The following TEX9 variants were observed in gnomAD, a reference collection of about 807,000 sequenced individuals.
TEX9 encodes the protein testis-expressed protein 9.
TEX9 carries 74 observed loss-of-function variants against 59.6 expected under a neutral mutation model. The observed-to-expected ratio is 1.24, with a 90% confidence interval of 1.03 to 1.51. The LOEUF is 1.51. Among genes scored for constraint, TEX9 ranks in the 40% most tolerant of loss-of-function variants. The pLI is 0.00. For synonymous variants in TEX9, 186 were observed against 152.2 expected (o/e 1.22, Z -1.64); for missense variants, 522 against 447.8 (o/e 1.17, Z -1.49).
At chr15:56,411,917 A>T (rs1235960513) in intron 9 of TEX9, among the ~76,000 whole-genome samples, 1 of 152,226 alleles carries the variant, frequency 6.6e-6, no homozygotes, top group Non-Finnish European at 1.5e-5. Flanking sequence ...ACAGAAAAAC[A>T]GTGGAGAGTT....
chr15:56,332,093 C>T (rs1456046770), intron 1 of TEX9, among the ~76,000 whole-genome samples: 2 of 129,022 alleles, frequency 1.6e-5, no homozygotes, highest in African/African-American at 2.9e-5. Context: ...CTGGAAATAC[C>T]ATTTGACCCA....
At chr15:56,372,940 A>G (rs903903163) in intron 2 of TEX9, among the ~76,000 whole-genome samples, 7 of 152,186 alleles carry the variant, frequency 4.6e-5, no homozygotes, top group Admixed American at 1.3e-4. Context: ...TAAAGTATGT[A>G]TCTGAGGTGT....
At position 56,365,480 on chromosome 15, in the gene TEX9, C is replaced by T. The variant is rs540943313; in HGVS notation, c.27+3C>T. ...CGGGGCGAAGTCTGTGTCTCACGGTCAGTTCAACTCCAGGCTCCTGGGGAG... is the reference window on the plus strand; with the variant it reads ...CGGGGCGAAGTCTGTGTCTCACGGTTAGTTCAACTCCAGGCTCCTGGGGAG... On this transcript the variant is annotated splice_donor_region_variant and intron_variant, in intron 1 of 12. Coordinates refer to ENST00000352903, the Ensembl canonical transcript of TEX9. 13 of 1,614,120 alleles carry T rather than the reference C, an allele frequency of 8.1e-6. No individual in the cohort carries two copies. Among genetic ancestry groups the T allele is most frequent in the South Asian group, 2.2e-5 (2 of 91,062 alleles).
chr15:56,451,351 G>A, the TEX9 span, among the ~76,000 whole-genome samples: 8 of 152,182 alleles, frequency 5.3e-5, no homozygotes, highest in Admixed American at 2.0e-4. Context: ...ATGAGGAAAG[G>A]GCAAGTGAAG....
chr15:56,406,638 T>C (rs1289895043), intron 9 of TEX9, among the ~76,000 whole-genome samples: 3 of 152,168 alleles, frequency 2.0e-5, no homozygotes, highest in Admixed American at 2.0e-4. Flanking sequence ...ATTTTAGCCA[T>C]TCTAGAGGAG....
At chr15:56,300,690 A>AGAGAGAGGGAGGGAGG (rs1268367074) in intron 1 of TEX9, among the ~76,000 whole-genome samples, 1 of 54,198 alleles carries the variant, frequency 1.8e-5, no homozygotes, top group African/African-American at 6.3e-5. Flanking sequence ...CTCAGCAGAG[A>AGAGAGAGGGAGGGAGG]GAGAGAGAGA....
chr15:56,366,684 A>G (rs558522340), intron 2 of TEX9, among the ~76,000 whole-genome samples: 1 of 151,952 alleles, frequency 6.6e-6, no homozygotes, highest in East Asian at 1.9e-4. Flanking sequence ...CCTTTTAACA[A>G]CTCCCTTCCG....
chr15:56,364,437 G>A (rs2046855210), upstream of TEX9, among the ~76,000 whole-genome samples: 1 of 150,566 alleles, frequency 6.6e-6, no homozygotes, highest in African/African-American at 2.4e-5. Context: ...ACAGGCATGA[G>A]CCTCTGTGCC....
chr15:56,371,472 C>G (rs2047187224), intron 2 of TEX9, among the ~76,000 whole-genome samples: 1 of 149,462 alleles, frequency 6.7e-6, no homozygotes, highest in African/African-American at 2.5e-5. Context: ...TTTTTTTTTT[C>G]CAAATTAATG....
intron 9 of TEX9, among the ~76,000 whole-genome samples, chr15:56,400,065 G>C (rs147959591): frequency 6.6e-6 from 1 of 152,312 alleles, no homozygotes; most frequent in East Asian, 1.9e-4. Flanking sequence ...CTAAAAACCA[G>C]AGCACCTCTT....
At chr15:56,302,326 C>A (rs1392809909) in intron 1 of TEX9, among the ~76,000 whole-genome samples, 1 of 142,846 alleles carries the variant, frequency 7.0e-6, no homozygotes, top group Non-Finnish European at 1.5e-5. Context: ...TGTTTACACA[C>A]ACACACACAC....
At chr15:56,415,545 C>T (rs1298881060) in intron 10 of TEX9, among the ~76,000 whole-genome samples, 1 of 151,754 alleles carries the variant, frequency 6.6e-6, no homozygotes, top group Non-Finnish European at 1.5e-5. Context: ...TGTAGATGTG[C>T]GGCCTTATTT....
chr15:56,408,032 G>T (rs926549479), intron 9 of TEX9, among the ~76,000 whole-genome samples: 1 of 152,146 alleles, frequency 6.6e-6, no homozygotes, highest in Non-Finnish European at 1.5e-5. Flanking sequence ...ACTCATTAGT[G>T]TACAGACATT....
At chr15:56,423,056 G>A (rs2050058486) in intron 10 of TEX9, among the ~76,000 whole-genome samples, 1 of 152,118 alleles carries the variant, frequency 6.6e-6, no homozygotes, top group South Asian at 2.1e-4. Context: ...TCAGTGGACA[G>A]TTGAGCTGCT....
exon 1 of TEX9, chr15:56,365,430 A>G (rs762821912): frequency 6.2e-7 from 1 of 1,608,484 alleles, no homozygotes; most frequent in Non-Finnish European, 8.5e-7. Context: ...TGCCTCGGTA[A>G]CCGCGTCGCA....
intron 1 of TEX9, among the ~76,000 whole-genome samples, chr15:56,275,317 C>T (rs1246239192): frequency 2.0e-5 from 3 of 152,114 alleles, no homozygotes; most frequent in Non-Finnish European, 2.9e-5. Context: ...GACAAAGGAC[C>T]AAGCATAGCA....
At chr15:56,320,774 C>G (rs1372406983) in intron 1 of TEX9, among the ~76,000 whole-genome samples, 1 of 152,126 alleles carries the variant, frequency 6.6e-6, no homozygotes, top group Non-Finnish European at 1.5e-5. Context: ...ATAATTACAC[C>G]TTATATCCAG....
intron 1 of TEX9, among the ~76,000 whole-genome samples, chr15:56,255,457 C>T (rs1278329114): frequency 6.6e-6 from 1 of 151,878 alleles, no homozygotes; most frequent in Non-Finnish European, 1.5e-5. Context: ...GTACATGACA[C>T]ATGGACAGAA....
At chr15:56,388,317 C>G (rs2048052320) in intron 4 of TEX9, among the ~76,000 whole-genome samples, 155 bp from the exon 5 acceptor site, 1 of 151,978 alleles carries the variant, frequency 6.6e-6, no homozygotes, top group Non-Finnish European at 1.5e-5. Flanking sequence ...GTTTATGGTA[C>G]TCATTCAAAA....
Sources: gnomAD v4.1 joint callset for allele counts (sites outside exome capture counted in the v4.1 genomes callset) on GRCh38, gnomAD v4.1.1 for gene constraint, MANE v1.5 for transcripts, NCBI Gene and HGNC (gene_info 2026-07-23, HGNC 2026-07-21) for gene names.